Variants in DRC1 observed in about 807,000 individuals in gnomAD.
The protein encoded by DRC1 is dynein regulatory complex protein 1.
In DRC1, 74 loss-of-function variants were observed where a neutral mutation model predicts 98.7. The observed-to-expected ratio is 0.75, with a 90% confidence interval of 0.62 to 0.91. The LOEUF (loss-of-function observed/expected upper bound fraction) is 0.91, where lower values mean the gene tolerates loss of function less well. Ranked by LOEUF, DRC1 falls within the 40% of genes least tolerant of loss-of-function variation. The pLI, the probability that DRC1 is intolerant of heterozygous loss-of-function variation, is 0.00. For synonymous variants in DRC1, 336 were observed against 334.1 expected, an observed-to-expected ratio of 1.01 and a Z score of -0.06; for missense variants, 875 against 886.0, an observed-to-expected ratio of 0.99 and a Z score of 0.16.
rs145305515 is a variant in DRC1, at chr2:26,444,316, C to A, written c.1123C>A (p.Arg375Ser). The A allele has an allele frequency of 6.2e-7, 1 of 1,614,152 alleles. No homozygotes were observed. Among genetic ancestry groups the A allele is most frequent in the African/African-American group, 1.3e-5 (1 of 75,038 alleles). ...CCAGTCTCTAACCTCGGACTACAAA[C>A]GTCTTGTGATGCAATTCAAGGAGCT... is the stretch of plus-strand genomic sequence containing the variant. ...ENQSLTSDYK[R>S]LVMQFKELQK... is the part of the protein sequence containing the mutation. Residue 375 changes from arginine (R) to serine (S), a missense_variant, in exon 9 of 17, where the codon CGT (arginine) becomes AGT (serine). Transcript: ENST00000288710.
Position 26,402,139 on chromosome 2 carries a change from GA to G in DRC1, c.151del (p.Arg51GlyfsTer9), listed in dbSNP as rs1678265124. The stretch of plus-strand genomic sequence containing the variant: ...GCATCGCTGCGCGCTTAGAAGCCCG[GA>G]GGCGGTGAGCGCGGGGGCGGGCGGG... ...LRIAARLEAR[R>X]REALGEYLDG... On this transcript the variant is annotated frameshift_variant, in exon 1 of 17. Coordinates refer to ENST00000288710, the MANE Select transcript of DRC1 (RefSeq NM_145038.5). LOFTEE classifies it high-confidence loss of function. 1 of 1,603,794 alleles carries G rather than the reference GA, an allele frequency of 6.2e-7. No homozygotes were observed. Among genetic ancestry groups the G allele is most frequent in the Non-Finnish European group, 8.5e-7 (1 of 1,176,342 alleles).
chr2:26,443,658 C>G (rs990600303), intron 8 of DRC1, among the ~76,000 whole-genome samples: 1 of 152,112 alleles, frequency 6.6e-6, no homozygotes, highest in African/African-American at 2.4e-5. Flanking sequence ...CATATCCTTG[C>G]GCAAAAGTGG....
At chr2:26,456,312 A>C (rs1188125698) in intron 16 of DRC1, 149 bp from the exon 17 acceptor site, 1 of 899,670 alleles carries the variant, frequency 1.1e-6, no homozygotes, top group Non-Finnish European at 1.7e-6. Flanking sequence ...GCAGGGAGGC[A>C]GTCTGTGGGT....
At chr2:26,435,347 A>G (rs1663542598) in intron 7 of DRC1, among the ~76,000 whole-genome samples, 2 of 152,248 alleles carry the variant, frequency 1.3e-5, no homozygotes, top group South Asian at 4.1e-4. Context: ...GGGAACATGA[A>G]CTGCAACTTT....
rs1328951990 is a variant in DRC1, at chr2:26,441,403, A to G, written c.1028+886A>G. Among the ~76,000 whole-genome samples the G allele has an allele frequency of 1.1e-4, 16 of 152,240 alleles. 1 individual carries two copies. Among genetic ancestry groups the G allele is most frequent in the Admixed American group, 1.0e-3 (16 of 15,286 alleles). On this transcript the variant is annotated intron_variant, in intron 8 of 16. Coordinates refer to ENST00000288710, the MANE Select transcript of DRC1 (RefSeq NM_145038.5). ...TACTTATTACAGAAAATGATACTGA[A>G]TAAATGGGATGGCATCTTAAGCCTG...
chr2:26,406,671 CACTGT>C (rs1250910619), intron 1 of DRC1, among the ~76,000 whole-genome samples: 1 of 152,080 alleles, frequency 6.6e-6, no homozygotes, highest in African/African-American at 2.4e-5. Flanking sequence ...AAGATCGAGC[CACTGT>C]ACTCCAGCCT....
chr2:26,430,344 TC>T, intron 5 of DRC1: 1 of 355,230 alleles, frequency 2.8e-6, no homozygotes, highest in South Asian at 2.2e-5. Context: ...CCTCTCTCTC[TC>T]TCGGTTGTTA....
rs1410975630 is a variant in DRC1, at chr2:26,454,680, T to C, written c.1953T>C (p.Asn651=). ...DSRAPLRVQK[N]VRDNSKDSEY... is the part of the protein sequence containing the mutation. ...GGGCCCCGCTGAGGGTACAGAAGAA[T>C]GTGCGTGACAACTCCAAGGACTCGG... is the stretch of plus-strand genomic sequence containing the variant. Residue 651 remains asparagine, a synonymous_variant, in exon 15 of 17, where the codon AAT becomes AAC. Transcript: ENST00000288710. This position sits in a 1 kb window ranked among gnomAD's most constrained non-coding sequence, Gnocchi z 5.2. 2 of 1,614,000 alleles carry C rather than the reference T, an allele frequency of 1.2e-6. No homozygotes were observed. Among genetic ancestry groups the C allele is most frequent in the East Asian group, 2.2e-5 (1 of 44,878 alleles).
chr2:26,455,283 C>A, intron 16 of DRC1, 50 bp downstream of exon 16: 1 of 1,561,750 alleles, frequency 6.4e-7, no homozygotes, highest in Non-Finnish European at 8.8e-7. Context: ...ACGGGTGGGG[C>A]AGGGGCACTG....
At position 26,418,586 on chromosome 2, in the gene DRC1, TA is replaced by T. The variant is rs1243093738; in HGVS notation, c.244-2701del. ...TATATAATATATATTATATATAAAT[TA>T]TATATAATTTATATAATATATAAAT... On this transcript the variant is annotated intron_variant, in intron 2 of 16. Coordinates refer to ENST00000288710, the MANE Select transcript of DRC1 (RefSeq NM_145038.5). Among the ~76,000 whole-genome samples, 30 of 102,840 alleles carry T rather than the reference TA, an allele frequency of 2.9e-4. 1 individual carries two copies. The highest frequency in any genetic ancestry group is 4.8e-4 in the Non-Finnish European group (28 of 57,812). 67.5% of individuals were successfully genotyped at this position (102,840 alleles called of 152,430 possible). A position where few individuals can be genotyped will look rare whatever the true frequency, so the allele number is the denominator to read the frequency against.
At chr2:26,456,330 A>G (rs1203377735) in intron 16 of DRC1, 131 bp from the exon 17 acceptor site, 2 of 1,111,140 alleles carry the variant, frequency 1.8e-6, no homozygotes, top group African/African-American at 1.5e-5. Flanking sequence ...GGTGTTCAGC[A>G]TCTCTCAGCT....
Position 26,454,086 on chromosome 2 carries a change from G to C in DRC1, c.1919+537G>C, listed in dbSNP as rs974943360. Among the ~76,000 whole-genome samples, 9 of 152,200 alleles carry C rather than the reference G, an allele frequency of 5.9e-5. No individual in the cohort carries two copies. The highest frequency in any genetic ancestry group is 1.0e-4 in the Non-Finnish European group (7 of 68,024). ...GCACTGGTGGGTGGGGAGCTAGCCAGGTCTTGGAGAGCCTTGCCCAATGTG... is the reference window on the plus strand; with the variant it reads ...GCACTGGTGGGTGGGGAGCTAGCCACGTCTTGGAGAGCCTTGCCCAATGTG... On this transcript the variant is annotated intron_variant, in intron 14 of 16. Transcript: ENST00000288710. The surrounding 1 kb of genome is among the most constrained non-coding windows in gnomAD (Gnocchi z 5.2).
chr2:26,415,329 C>T (rs940887750), intron 2 of DRC1, among the ~76,000 whole-genome samples: 1 of 152,218 alleles, frequency 6.6e-6, no homozygotes, highest in Middle Eastern at 3.4e-3. Flanking sequence ...GAGGAACTCA[C>T]CAAGCTGGCC....
At chr2:26,447,270 G>A (rs148642206) in intron 10 of DRC1, among the ~76,000 whole-genome samples, 3,629 of 151,204 alleles carry the variant, frequency 0.024, 138 homozygotes, top group African/African-American at 0.081. Flanking sequence ...AAAATTAGCC[G>A]GGCATGGTGG....
rs762794275 is a variant in DRC1 at position 26,424,393 on chromosome 2, A to C, written c.479A>C (p.Gln160Pro). 3.7e-6 allele frequency: 6 copies of C among 1,614,002 alleles called. No homozygotes were observed. In the South Asian group the frequency reaches 5.5e-5, roughly 15 times the overall value. ...PQELWEMLNT[Q>P]QLHCAGLLED... ...GAGCTGTGGGAAATGCTCAATACCC[A>C]ACAGCTGCACTGTGCTGGACTCTTA... The change falls in exon 4 of 17, where the codon CAA (glutamine) becomes CCA (proline). Residue 160 changes from glutamine (Q) to proline (P), a missense_variant. Physicochemically the swap from Gln to Pro is moderately conservative, Grantham distance 76 (BLOSUM62 -1). Transcript: ENST00000288710.
intron 2 of DRC1, among the ~76,000 whole-genome samples, chr2:26,418,592 TAATTTATATAA>T (rs1314114475): frequency 9.9e-6 from 1 of 101,360 alleles, no homozygotes; most frequent in East Asian, 2.3e-4. Context: ...AAATTATATA[TAATTTATATAA>T]TATATAAATT....
At chr2:26,411,263 G>A (rs1250613606) in intron 1 of DRC1, among the ~76,000 whole-genome samples, 1 of 152,214 alleles carries the variant, frequency 6.6e-6, no homozygotes, top group Non-Finnish European at 1.5e-5. Context: ...TTTTCTAGTA[G>A]CCACATTGAA....
chr2:26,407,740 G>A (rs928780894), intron 1 of DRC1, among the ~76,000 whole-genome samples: 5 of 151,758 alleles, frequency 3.3e-5, no homozygotes, highest in Non-Finnish European at 1.5e-5. Context: ...GCCAACTTCA[G>A]GCCAGTTTGG....
chr2:26,444,789 A>G lies in DRC1; in HGVS notation c.1237A>G (p.Ile413Val). The change falls in exon 10 of 17, where the codon ATA becomes GTA. Residue 413 changes from isoleucine (I) to valine (V), a missense_variant. Ile to Val is a conservative substitution (Grantham distance 29, BLOSUM62 3). Transcript: ENST00000288710. Reference protein sequence around the residue: ...LMNEEEAKDLIARAFDVDRII... With the variant: ...LMNEEEAKDLVARAFDVDRII... The stretch of plus-strand genomic sequence containing the variant: ...GAATGAAGAGGAGGCGAAGGACCTA[A>G]TAGCCAGAGCCTTTGATGTGGACAG... The G allele has an allele frequency of 6.2e-7, 1 of 1,614,178 alleles. No individual in the cohort carries two copies.
Sources: gnomAD v4.1 joint callset for allele counts (sites outside exome capture counted in the v4.1 genomes callset) on GRCh38, gnomAD v4.1.1 for gene constraint, Gnocchi (gnomAD v3.1) non-coding constraint, MANE v1.5 for transcripts, NCBI Gene and HGNC (gene_info 2026-07-23, HGNC 2026-07-21) for gene names.